Variants in ASAP2 observed in about 807,000 individuals in gnomAD.
ASAP2 encodes ArfGAP with SH3 domain, ankyrin repeat and PH domain 2.
ASAP2 carries 45 observed loss-of-function variants against 131.4 expected under a neutral mutation model. The observed-to-expected ratio is 0.34, with a 90% CI of 0.27 to 0.44. The LOEUF is 0.44. Among genes scored for constraint, ASAP2 ranks in the 20% least tolerant of loss-of-function variants. The pLI, the probability that ASAP2 is intolerant of heterozygous loss-of-function variation, is 1.00. For synonymous variants in ASAP2, 510 were observed against 503.0 expected, an observed-to-expected ratio of 1.01 and a Z score of -0.19; for missense variants, 1,011 against 1,297.0, an observed-to-expected ratio of 0.78 and a Z score of 3.39.
At chr2:9,282,147 A>C (rs1426401942) in intron 2 of ASAP2, among the ~76,000 whole-genome samples, 3 of 152,212 alleles carry the variant, frequency 2.0e-5, no homozygotes, top group Admixed American at 2.0e-4. Context: ...CCTTGGGCTC[A>C]TGTCCTTTTT....
intron 1 of ASAP2, among the ~76,000 whole-genome samples, chr2:9,270,851 G>A (rs1443090294): frequency 7.1e-6 from 1 of 141,826 alleles, no homozygotes; most frequent in Non-Finnish European, 1.5e-5. Flanking sequence ...GGAGTGCAGT[G>A]GCGCGATCTC....
At position 9,277,306 on chromosome 2, in the gene ASAP2, C is replaced by T. The variant is rs1045604474; in HGVS notation, c.127-2011C>T. On this transcript the variant is annotated intron_variant, in intron 1 of 27. Coordinates refer to ENST00000281419, the MANE Select transcript of ASAP2 (RefSeq NM_003887.3). ...CTGGCTGAGCCTGGCCTAGGTCCCGCGAGTCTGCGGCTGGAAGACTGGGGA... is the reference window on the plus strand; with the variant it reads ...CTGGCTGAGCCTGGCCTAGGTCCCGTGAGTCTGCGGCTGGAAGACTGGGGA... Among the ~76,000 whole-genome samples, 12 of 152,272 alleles carry T rather than the reference C, an allele frequency of 7.9e-5. No individual in the cohort carries two copies. The East Asian group carries it at 2.3e-3, about 29-fold the overall frequency.
chr2:9,240,786 T>G (rs1288574584), intron 1 of ASAP2, among the ~76,000 whole-genome samples: 3 of 152,218 alleles, frequency 2.0e-5, no homozygotes, highest in Admixed American at 2.0e-4. Context: ...TGATTTCTCC[T>G]TGGCATATCT....
chr2:9,271,717 G>T (rs369819965), intron 1 of ASAP2: 2 of 462,212 alleles, frequency 4.3e-6, no homozygotes, highest in Non-Finnish European at 7.5e-6. Flanking sequence ...GGGGCCCAAG[G>T]GGGAGGCTGC....
At chr2:9,323,947 A>C (rs1670323230) in intron 6 of ASAP2, among the ~76,000 whole-genome samples, 1 of 152,228 alleles carries the variant, frequency 6.6e-6, no homozygotes, top group South Asian at 2.1e-4. Context: ...ACGTGTATAC[A>C]AATGGCACAT....
At chr2:9,371,042 G>A (rs1673908439) in intron 16 of ASAP2, among the ~76,000 whole-genome samples, 1 of 152,184 alleles carries the variant, frequency 6.6e-6, no homozygotes, top group African/African-American at 2.4e-5. Flanking sequence ...CGAAAGCAGG[G>A]CATTTGGTTG....
At chr2:9,395,585 GT>G (rs1312749688) in intron 24 of ASAP2, among the ~76,000 whole-genome samples, 17 of 76,294 alleles carry the variant, frequency 2.2e-4, no homozygotes, top group African/African-American at 5.4e-4. Context: ...TTTTTCTTGT[GT>G]TTTTTTTCTT....
chr2:9,293,777 T>TCCCCA (rs1667973697), intron 2 of ASAP2, among the ~76,000 whole-genome samples: 1 of 152,056 alleles, frequency 6.6e-6, no homozygotes, highest in Non-Finnish European at 1.5e-5. Context: ...GGATGAAAAA[T>TCCCCA]ACATCTAAAA....
chr2:9,264,829 A>G (rs774914250), intron 1 of ASAP2, among the ~76,000 whole-genome samples: 6 of 152,190 alleles, frequency 3.9e-5, no homozygotes, highest in Non-Finnish European at 4.4e-5. Flanking sequence ...ATAAAAACTA[A>G]TACAGCAATT....
intron 3 of ASAP2, among the ~76,000 whole-genome samples, chr2:9,315,939 T>G (rs950824253): frequency 6.6e-6 from 1 of 152,212 alleles, no homozygotes; most frequent in Non-Finnish European, 1.5e-5. Flanking sequence ...CAGTCATTAA[T>G]TGATCATTTA....
At chr2:9,354,158 CAGT>C (rs957199520) in intron 12 of ASAP2, among the ~76,000 whole-genome samples, 1 of 152,158 alleles carries the variant, frequency 6.6e-6, no homozygotes, top group Admixed American at 6.5e-5. Context: ...ATGGAAGGAA[CAGT>C]AGAATTGTGA....
At chr2:9,255,648 A>G (rs1317871891) in intron 1 of ASAP2, among the ~76,000 whole-genome samples, 1 of 152,202 alleles carries the variant, frequency 6.6e-6, no homozygotes, top group Non-Finnish European at 1.5e-5. Context: ...AGGTGAAGGG[A>G]GGTGCCTGAG....
intron 3 of ASAP2, among the ~76,000 whole-genome samples, chr2:9,302,526 G>A (rs1160411995): frequency 6.6e-6 from 1 of 151,864 alleles, no homozygotes; most frequent in Non-Finnish European, 1.5e-5. Context: ...CCAAGCTAGA[G>A]TGCAGTGGCA....
rs1316637504 is a variant in ASAP2 at position 9,389,776 on chromosome 2, C to T, written c.2383+1230C>T. On this transcript the variant is annotated intron_variant, in intron 22 of 27. Coordinates refer to ENST00000281419, the MANE Select transcript of ASAP2 (RefSeq NM_003887.3). This position sits in a 1 kb window ranked among gnomAD's most constrained non-coding sequence, Gnocchi z 4.7. ...GTCCCCACACAGCCCACATCCCAGA[C>T]CGCGTCCATCCCTGGCTTGATGAGG... Among the ~76,000 whole-genome samples the T allele has an allele frequency of 9.3e-4, 142 of 152,332 alleles. 2 individuals carry two copies. Among genetic ancestry groups the T allele is most frequent in the Non-Finnish European group, 1.0e-4 (7 of 68,034 alleles).
chr2:9,282,687 C>T (rs979272089), intron 2 of ASAP2, among the ~76,000 whole-genome samples: 3 of 152,294 alleles, frequency 2.0e-5, no homozygotes, highest in East Asian at 3.9e-4. Context: ...ATAGGAAGAG[C>T]GCTCATTTTA....
intron 6 of ASAP2, among the ~76,000 whole-genome samples, chr2:9,324,837 T>C (rs1041299333): frequency 4.6e-5 from 7 of 152,246 alleles, no homozygotes; most frequent in African/African-American, 1.7e-4. Context: ...ATAGATAATA[T>C]ATATAGCTGG....
chr2:9,315,971 T>G (rs574805850), intron 3 of ASAP2, among the ~76,000 whole-genome samples: 23 of 152,328 alleles, frequency 1.5e-4, no homozygotes, highest in Admixed American at 1.4e-3. Flanking sequence ...TGGCTGTGGA[T>G]GCAGACGTTA....
Position 9,388,474 on chromosome 2 carries a change from C to T in ASAP2, c.2311C>T (p.Pro771Ser), listed in dbSNP as rs759351359. 1 of 1,614,030 alleles carries T rather than the reference C, an allele frequency of 6.2e-7. No individual in the cohort carries two copies. Among genetic ancestry groups the T allele is most frequent in the South Asian group, 1.1e-5 (1 of 91,036 alleles). The change falls in exon 22 of 28, where the codon CCA becomes TCA. Residue 771 changes from proline to serine, a missense_variant. Around this residue, in one of 2 missense-constraint regions of ASAP2, gnomAD observed 652 missense variants for 698.9 expected, o/e 0.93. Transcript: ENST00000281419. ...TTACGGAGCCCTCCTGAGTGGCAGC[C>T]CACCTCCCGCCCAGCCTGCAGCCCC... ...ETYGALLSGS[P>S]PPAQPAAPST...
chr2:9,320,348 T>C lies in ASAP2; in HGVS notation c.470+11T>C, dbSNP rs1292999959. ...CTATGAAACAAAAATGTGAGTGTTC[T>C]CGTTTTTAAATTTACGTATAGGTAA... On this transcript the variant is annotated intron_variant, in intron 5 of 27. Transcript: ENST00000281419. 3 of 1,607,674 alleles carry C rather than the reference T, an allele frequency of 1.9e-6. No individual in the cohort carries two copies. In the Admixed American group the frequency reaches 5.1e-5, roughly 27 times the overall value.
Sources: gnomAD v4.1 joint callset for allele counts (sites outside exome capture counted in the v4.1 genomes callset) on GRCh38, gnomAD v4.1.1 for gene constraint, gnomAD v4.1.1 regional missense constraint, Gnocchi (gnomAD v3.1) non-coding constraint, MANE v1.5 for transcripts, NCBI Gene and HGNC (gene_info 2026-07-23, HGNC 2026-07-21) for gene names.